The following NLRP7 variants were observed in gnomAD, a reference collection of about 807,000 sequenced individuals.
The protein encoded by NLRP7 is NLR family pyrin domain containing 7.
Under a neutral mutation model 85.5 loss-of-function variants are expected in NLRP7, and 72 were observed. The observed-to-expected ratio is 0.84, with a 90% CI of 0.70 to 1.02. NLRP7 has a LOEUF of 1.02. Among genes scored for constraint, NLRP7 ranks in the 50% least tolerant of loss-of-function variants. NLRP7 has a pLI of 0.00. For missense variants in NLRP7, 1,243 were observed against 1,219.5 expected, an observed-to-expected ratio of 1.02 and a Z score of -0.29; for synonymous variants, 550 against 505.2, an observed-to-expected ratio of 1.09 and a Z score of -1.19.
chr19:54,938,793 A>C (rs922189136), intron 4 of NLRP7, 95 bp downstream of exon 4: 21 of 1,348,304 alleles, frequency 1.6e-5, no homozygotes, highest in Non-Finnish European at 2.2e-5. Context: ...GCTGGAAAGA[A>C]GTCCAGCCAG....
In NLRP7 at chr19:54,961,651, T is replaced by C. The variant is rs183466992; in HGVS notation, c.-77+4389A>G. On this transcript the variant is annotated intron_variant, in intron 1 of 2. Transcript: ENST00000587103. ...GAGTTCAAGAAGAGCCTGGCCAGCA[T>C]GGTGAAAACCTATCTGTACTAAAAA... Among the ~76,000 whole-genome samples the C allele has an allele frequency of 2.0e-4, 30 of 150,334 alleles. No individual in the cohort carries two copies. In the East Asian group the frequency reaches 5.4e-3, roughly 27 times the overall value.
rs175092 is a variant in NLRP7, at chr19:54,928,271, A to G, written c.2810+2228T>C. Reference sequence around the variant, plus strand: ...ACAAAAATTAGCCAGGTATGGTGGAACCACCTATAATTCCAGCTACTCGAG... The same window carrying G: ...ACAAAAATTAGCCAGGTATGGTGGAGCCACCTATAATTCCAGCTACTCGAG... On this transcript the variant is annotated intron_variant, in intron 9 of 9. Transcript: ENST00000340844. Among the ~76,000 whole-genome samples, 84,372 of 151,972 alleles carry G rather than the reference A, an allele frequency of 0.56. 23,674 individuals carry two copies. Among genetic ancestry groups the G allele is most frequent in the East Asian group, 0.72 (3,700 of 5,164 alleles).
At position 54,923,779 on chromosome 19, in the gene NLRP7, G is replaced by GT; in HGVS notation, c.2903_2904insA (p.Gly969ArgfsTer9). 6.2e-7 allele frequency: 1 copy of GT among 1,613,838 alleles called. No homozygotes were observed. The highest frequency in any genetic ancestry group is 1.7e-5 in the Admixed American group (1 of 59,974). ...CACAGCACGGAGGTGCCGTTGCCCC[G>GT]GAAGCATTGCAATCAATAGTCAGCT... On this transcript the variant is annotated frameshift_variant, in exon 10 of 10. Coordinates refer to ENST00000340844, the Ensembl canonical transcript of NLRP7. LOFTEE classifies it high-confidence loss of function.
chr19:54,924,344 C>G (rs1271984442), intron 9 of NLRP7, among the ~76,000 whole-genome samples: 2 of 152,196 alleles, frequency 1.3e-5, no homozygotes. Flanking sequence ...AGATTATGGC[C>G]AGGCACGGTG....
chr19:54,938,947 T>G, exon 4 of NLRP7: 1 of 1,614,006 alleles, frequency 6.2e-7, no homozygotes. Context: ...CCCCCTTTGC[T>G]ACCTGCAGTG....
upstream of NLRP7, among the ~76,000 whole-genome samples, chr19:54,950,220 G>A (rs142397849): frequency 1.4e-3 from 213 of 152,162 alleles, 1 homozygote; most frequent in African/African-American, 5.0e-3. Context: ...CCTGCACTTC[G>A]GACTCCTCTA....
intron 1 of NLRP7, among the ~76,000 whole-genome samples, chr19:54,962,738 T>G (rs1170721689): frequency 1.3e-5 from 2 of 151,346 alleles, no homozygotes; most frequent in African/African-American, 4.8e-5. Context: ...TAGCTGGGAC[T>G]ACAGGCGCCC....
chr19:54,957,213 G>T (rs1304607899), intron 1 of NLRP7, among the ~76,000 whole-genome samples: 2 of 151,538 alleles, frequency 1.3e-5, no homozygotes, highest in African/African-American at 2.4e-5. Flanking sequence ...TGGAGACTGG[G>T]TTTCACCCTG....
intron 8 of NLRP7, among the ~76,000 whole-genome samples, chr19:54,931,420 T>C (rs938049967): frequency 2.0e-5 from 3 of 152,038 alleles, no homozygotes; most frequent in Admixed American, 6.6e-5. Context: ...CTGGGCACGA[T>C]GGCTCACACC....
exon 1 of NLRP7, chr19:54,947,491 T>A (rs773307473): frequency 7.8e-7 from 1 of 1,289,778 alleles, no homozygotes; most frequent in South Asian, 1.2e-5. Flanking sequence ...AGGTCTTGCT[T>A]CCAGCCTGTG....
At chr19:54,946,034 G>A (rs1002667611) in intron 1 of NLRP7, among the ~76,000 whole-genome samples, 57 of 151,398 alleles carry the variant, frequency 3.8e-4, no homozygotes, top group Non-Finnish European at 1.3e-4. Flanking sequence ...CTCGTGATCC[G>A]CCCGCCTCGG....
intron 1 of NLRP7, among the ~76,000 whole-genome samples, chr19:54,959,305 A>ATTTTTTTTTTTTTTTTTTTTTTTTT (rs1435097621): frequency 2.0e-5 from 3 of 148,108 alleles, no homozygotes; most frequent in African/African-American, 2.5e-5. Context: ...TGCCCGGCTA[A>ATTTTTTTTTTTTTTTTTTTTTTTTT]TTTTTGTATT....
intron 1 of NLRP7, among the ~76,000 whole-genome samples, chr19:54,962,793 G>T (rs550443004): frequency 2.0e-5 from 3 of 148,934 alleles, no homozygotes; most frequent in African/African-American, 7.4e-5. Flanking sequence ...TAGAGACGGG[G>T]TTTCACCGTG....
At chr19:54,926,168 C>T (rs987535791) in intron 9 of NLRP7, among the ~76,000 whole-genome samples, 4 of 151,556 alleles carry the variant, frequency 2.6e-5, no homozygotes, top group Admixed American at 2.6e-4. Context: ...CCCAGGACAG[C>T]TCTGGGAACT....
At chr19:54,924,316 A>T (rs2068343282) in intron 9 of NLRP7, among the ~76,000 whole-genome samples, 1 of 152,172 alleles carries the variant, frequency 6.6e-6, no homozygotes, top group Non-Finnish European at 1.5e-5. Flanking sequence ...GGGGATCCTT[A>T]TAAGTCTAAG....
At chr19:54,952,227 C>A (rs1166718285), upstream of NLRP7, among the ~76,000 whole-genome samples, 6 of 152,002 alleles carry the variant, frequency 3.9e-5, no homozygotes, top group East Asian at 9.7e-4. Flanking sequence ...CATGAGAACA[C>A]TGCGTCTTCA....
At chr19:54,933,533 C>T in intron 8 of NLRP7, 36 bp downstream of exon 8, 1 of 1,609,000 alleles carries the variant, frequency 6.2e-7, no homozygotes, top group Non-Finnish European at 8.5e-7. Flanking sequence ...TGCTTGAATT[C>T]ATGTGCACAC....
intron 5 of NLRP7, among the ~76,000 whole-genome samples, chr19:54,937,563 G>A (rs998508962): frequency 6.6e-6 from 1 of 150,670 alleles, no homozygotes; most frequent in African/African-American, 2.4e-5. Context: ...GCACTCCAGC[G>A]CCTAGGTGAC....
At chr19:54,953,786 C>A (rs1438071047) in intron 1 of NLRP7, among the ~76,000 whole-genome samples, 2 of 149,986 alleles carry the variant, frequency 1.3e-5, no homozygotes, top group East Asian at 2.0e-4. Flanking sequence ...GTGGATCACA[C>A]GGTCAGGAGA....
Sources: gnomAD v4.1 joint callset for allele counts (sites outside exome capture counted in the v4.1 genomes callset) on GRCh38, gnomAD v4.1.1 for gene constraint, MANE v1.5 for transcripts, NCBI Gene and HGNC (gene_info 2026-07-23, HGNC 2026-07-21) for gene names.